The following MITF variants were observed in gnomAD, a reference collection of about 807,000 sequenced individuals.
MITF encodes microphthalmia-associated transcription factor.
A neutral mutation model predicts 60.5 loss-of-function variants in MITF; 17 were observed. That is an observed-to-expected ratio of 0.28 (90% confidence interval 0.19 to 0.42). The LOEUF (loss-of-function observed/expected upper bound fraction) is 0.42. MITF is among the 10% of genes least tolerant of loss of function. The pLI is 1.00. For missense variants in MITF, 622 were observed against 683.5 expected (o/e 0.91, Z 1.00); for synonymous variants, 260 against 248.5 (o/e 1.05, Z -0.43).
intron 1 of MITF, among the ~76,000 whole-genome samples, chr3:69,874,394 A>C (rs914510300): frequency 2.6e-5 from 4 of 152,240 alleles, no homozygotes; most frequent in African/African-American, 9.6e-5. Context: ...AAGAAGAAGC[A>C]TGCTCATGGT....
intron 1 of MITF, among the ~76,000 whole-genome samples, chr3:69,742,770 G>C (rs1436450677): frequency 6.6e-6 from 1 of 152,190 alleles, no homozygotes; most frequent in African/African-American, 2.4e-5. Context: ...GTTAGCAGAT[G>C]TTGTTCTTGT....
At chr3:69,851,093 T>C (rs1255796717) in intron 1 of MITF, among the ~76,000 whole-genome samples, 1 of 152,134 alleles carries the variant, frequency 6.6e-6, no homozygotes, top group African/African-American at 2.4e-5. Context: ...GTCACCAGGG[T>C]CACATTGGCA....
At chr3:69,742,312 T>TA (rs1703555003) in intron 1 of MITF, among the ~76,000 whole-genome samples, 1 of 152,100 alleles carries the variant, frequency 6.6e-6, no homozygotes, top group Non-Finnish European at 1.5e-5. Context: ...CTAAACATCT[T>TA]ACAGTGCACA....
chr3:69,799,585 T>C (rs1279842409), intron 1 of MITF, among the ~76,000 whole-genome samples: 1 of 152,194 alleles, frequency 6.6e-6, no homozygotes, highest in Admixed American at 6.5e-5. Flanking sequence ...GTTTAGCCTT[T>C]GTTTTGTCTT....
At chr3:69,820,994 T>C (rs911990925) in intron 1 of MITF, among the ~76,000 whole-genome samples, 1 of 152,110 alleles carries the variant, frequency 6.6e-6, no homozygotes, top group African/African-American at 2.4e-5. Context: ...TTTAAAAAAA[T>C]TTCAGCCTCG....
chr3:69,821,524 T>A (rs1164184929), intron 1 of MITF, among the ~76,000 whole-genome samples: 1 of 152,108 alleles, frequency 6.6e-6, no homozygotes, highest in Admixed American at 6.6e-5. Flanking sequence ...TGTTGCAGCA[T>A]TGCAACTTGC....
intron 2 of MITF, among the ~76,000 whole-genome samples, chr3:69,913,766 C>T (rs2065273284): frequency 6.6e-6 from 1 of 152,158 alleles, no homozygotes; most frequent in South Asian, 2.1e-4. Context: ...GTATTAATAG[C>T]ATGATAAAAC....
At chr3:69,805,240 C>T (rs1174052720) in intron 1 of MITF, among the ~76,000 whole-genome samples, 3 of 152,082 alleles carry the variant, frequency 2.0e-5, no homozygotes, top group South Asian at 2.1e-4. Context: ...CCTTTCTTCT[C>T]GGTTGGAAGG....
chr3:69,770,103 G>T (rs1314391241), intron 1 of MITF, among the ~76,000 whole-genome samples: 1 of 152,122 alleles, frequency 6.6e-6, no homozygotes, highest in Non-Finnish European at 1.5e-5. Context: ...CATCCTTGGG[G>T]CATAAGTATA....
chr3:69,956,148 G>C (rs760635589), intron 7 of MITF, among the ~76,000 whole-genome samples: 2 of 152,130 alleles, frequency 1.3e-5, no homozygotes, highest in East Asian at 3.9e-4. Flanking sequence ...GGATGTCCTC[G>C]CCAAGTCCCT....
intron 2 of MITF, among the ~76,000 whole-genome samples, chr3:69,920,301 G>C (rs1056522995): frequency 6.6e-6 from 1 of 152,044 alleles, no homozygotes; most frequent in African/African-American, 2.4e-5. Context: ...TAGCAGACAG[G>C]GAAAGGGAGT....
intron 1 of MITF, among the ~76,000 whole-genome samples, chr3:69,753,061 A>G (rs182621049): frequency 6.6e-6 from 1 of 152,304 alleles, no homozygotes; most frequent in East Asian, 1.9e-4. Context: ...CCCTCCCATC[A>G]TGGGCCCAGA....
In MITF at chr3:69,879,166, C is replaced by G; in HGVS notation, c.137C>G (p.Pro46Arg). ...SSAEHPGASKPPISSSSMTSR... is the reference protein window; with the variant it reads ...SSAEHPGASKRPISSSSMTSR... ...GCCGAGCATCCTGGGGCCTCCAAGC[C>G]TCCGATAAGCTCCTCCAGTATGACA... The change falls in exon 2 of 10, where the codon CCT (proline) becomes CGT (arginine). Residue 46 changes from proline to arginine, a missense_variant. Pro to Arg is a moderately radical substitution (Grantham distance 103). Transcript: ENST00000352241. 6.2e-7 allele frequency: 1 copy of G among 1,614,238 alleles called. No homozygotes were observed. The highest frequency in any genetic ancestry group is 1.1e-5 in the South Asian group (1 of 91,086).
rs535048252 is a variant in MITF at position 69,846,078 on chromosome 3, C to A, written c.105-33056C>A. On this transcript the variant is annotated intron_variant, in intron 1 of 9. Coordinates refer to ENST00000352241, the MANE Select transcript of MITF (RefSeq NM_001354604.2). Reference sequence around the variant, plus strand: ...TGGTAAGTGCTATAAAGAAAAATAACACCAAAGGGCTTTCTCTTTAATTTG... The same window carrying A: ...TGGTAAGTGCTATAAAGAAAAATAAAACCAAAGGGCTTTCTCTTTAATTTG... Among the ~76,000 whole-genome samples the A allele has an allele frequency of 1.3e-5, 2 of 151,484 alleles. 1 individual carries two copies. Among genetic ancestry groups the A allele is most frequent in the African/African-American group, 4.8e-5 (2 of 41,354 alleles).
chr3:69,939,284 TTG>T, intron 4 of MITF, 103 bp downstream of exon 4: 5 of 1,039,396 alleles, frequency 4.8e-6, no homozygotes, highest in African/African-American at 1.6e-5. Context: ...TTTTCCCCCA[TTG>T]TTTTTTTTTT....
chr3:69,750,083 G>A (rs977705929), intron 1 of MITF, among the ~76,000 whole-genome samples: 8 of 152,132 alleles, frequency 5.3e-5, no homozygotes, highest in Non-Finnish European at 1.2e-4. Flanking sequence ...ATTAATTGGG[G>A]TTTGTTTTTG....
At chr3:69,945,366 C>G (rs1203752238) in intron 5 of MITF, among the ~76,000 whole-genome samples, 1 of 152,130 alleles carries the variant, frequency 6.6e-6, no homozygotes, top group Non-Finnish European at 1.5e-5. Flanking sequence ...GAAGTGAAAT[C>G]TTGTCATTTA....
chr3:69,900,134 A>G (rs1247210870), intron 2 of MITF, among the ~76,000 whole-genome samples: 6 of 152,128 alleles, frequency 3.9e-5, no homozygotes, highest in Non-Finnish European at 8.8e-5. Context: ...ATAGATTTTC[A>G]GGGAAGGTAA....
intron 1 of MITF, among the ~76,000 whole-genome samples, chr3:69,790,149 A>AAT (rs2062717476): frequency 1.3e-5 from 2 of 152,214 alleles, no homozygotes; most frequent in African/African-American, 4.8e-5. Flanking sequence ...TCTTTAGGAC[A>AAT]TTATAGTAAG....
Sources: allele counts gnomAD v4.1 joint callset (sites outside exome capture counted in the v4.1 genomes callset), GRCh38; gene constraint gnomAD v4.1.1; transcripts MANE v1.5; gene names NCBI Gene and HGNC (gene_info 2026-07-23, HGNC 2026-07-21).